The following LCORL variants were observed in gnomAD, a reference collection of about 807,000 sequenced individuals.
LCORL encodes ligand-dependent nuclear receptor corepressor-like protein.
LCORL carries 41 observed loss-of-function variants against 141.8 expected under a neutral mutation model. The observed-to-expected ratio is 0.29, with a 90% CI of 0.23 to 0.38. The LOEUF (loss-of-function observed/expected upper bound fraction) is 0.38, where lower values mean the gene tolerates loss of function less well. Among genes scored for constraint, LCORL ranks in the 10% least tolerant of loss-of-function variants. The probability of loss-of-function intolerance (pLI) is 1.00; values close to 1 mark genes in which losing one functional copy is unlikely to be tolerated. For synonymous variants in LCORL, 618 were observed against 694.1 expected, an observed-to-expected ratio of 0.89 and a Z score of 1.72; for missense variants, 1,759 against 2,035.0, an observed-to-expected ratio of 0.86 and a Z score of 2.61.
chr4:17,936,278 C>T (rs561355059), intron 4 of LCORL, among the ~76,000 whole-genome samples: 74 of 150,818 alleles, frequency 4.9e-4, no homozygotes, highest in African/African-American at 1.8e-3. Context: ...AAAAATAGCT[C>T]CTAAACTTTT....
At position 17,955,559 on chromosome 4, in the gene LCORL, T is replaced by C. The variant is rs151168915; in HGVS notation, c.430+6344A>G. Among the ~76,000 whole-genome samples the C allele has an allele frequency of 3.3e-3, 509 of 152,212 alleles. 7 individuals carry two copies. The highest frequency in any genetic ancestry group is 0.012 in the African/African-American group (480 of 41,540). On this transcript the variant is annotated intron_variant, in intron 4 of 7. Coordinates refer to ENST00000635767, the Ensembl canonical transcript of LCORL. ...AGAATAAGTAGAGTATATAGTATAA[T>C]AGAAGGTGATTGTTCTATAAAAAGG...
At chr4:17,848,271 T>C (rs1723174803) in intron 7 of LCORL, among the ~76,000 whole-genome samples, 1 of 152,250 alleles carries the variant, frequency 6.6e-6, no homozygotes, top group Non-Finnish European at 1.5e-5. Context: ...AGTACTGCTC[T>C]ACAGAATTCT....
At chr4:17,864,678 T>C (rs1290908832) in intron 7 of LCORL, among the ~76,000 whole-genome samples, 1 of 152,216 alleles carries the variant, frequency 6.6e-6, no homozygotes, top group Non-Finnish European at 1.5e-5. Context: ...ATGTAAGTGG[T>C]CTACTGAAAA....
At chr4:17,949,595 G>A (rs567151226) in intron 4 of LCORL, among the ~76,000 whole-genome samples, 75 of 152,154 alleles carry the variant, frequency 4.9e-4, no homozygotes, top group African/African-American at 1.8e-3. Context: ...TTTTACTGAG[G>A]GAATTCTGCT....
At chr4:17,851,170 C>T (rs1723645760) in intron 7 of LCORL, among the ~76,000 whole-genome samples, 1 of 149,622 alleles carries the variant, frequency 6.7e-6, no homozygotes, top group Non-Finnish European at 1.5e-5. Context: ...GGAGATATAC[C>T]TAATGCTAAA....
intron 3 of LCORL, among the ~76,000 whole-genome samples, chr4:17,962,514 C>T (rs1425882678): frequency 2.0e-5 from 3 of 152,024 alleles, no homozygotes; most frequent in Non-Finnish European, 4.4e-5. Flanking sequence ...TAGACACTTA[C>T]ATATTTCATC....
intron 5 of LCORL, among the ~76,000 whole-genome samples, chr4:17,901,942 G>C (rs897869845): frequency 5.3e-5 from 8 of 152,052 alleles, no homozygotes; most frequent in African/African-American, 1.7e-4. Flanking sequence ...GTGTGTGTCT[G>C]TGTACATCCA....
At position 17,939,645 on chromosome 4, in the gene LCORL, A is replaced by C. The variant is rs771325944; in HGVS notation, c.430+22258T>G. Among the ~76,000 whole-genome samples the C allele has an allele frequency of 8.9e-4, 136 of 152,142 alleles. 4 individuals carry two copies. Among genetic ancestry groups the C allele is most frequent in the Non-Finnish European group, 2.4e-4 (16 of 67,982 alleles). On this transcript the variant is annotated intron_variant, in intron 4 of 7. Transcript: ENST00000635767. The stretch of plus-strand genomic sequence containing the variant: ...AACTCTGGGTGAGTAGGAAAGTGTC[A>C]ATGGCACTAATTAAAGGAGAACACA...
chr4:17,987,759 T>C (rs1271588030), intron 1 of LCORL, among the ~76,000 whole-genome samples: 2 of 152,238 alleles, frequency 1.3e-5, no homozygotes, highest in Non-Finnish European at 2.9e-5. Context: ...TTTTTTCATG[T>C]GTTCATTGGC....
At chr4:17,932,617 C>T (rs1401182655) in intron 4 of LCORL, among the ~76,000 whole-genome samples, 1 of 152,144 alleles carries the variant, frequency 6.6e-6, no homozygotes, top group Non-Finnish European at 1.5e-5. Context: ...TTATTCATTG[C>T]AAGAAATGTG....
At chr4:18,018,569 G>C (rs62410188) in intron 1 of LCORL, among the ~76,000 whole-genome samples, 7 of 152,054 alleles carry the variant, frequency 4.6e-5, no homozygotes, top group African/African-American at 1.7e-4. Context: ...AGAGTTAAAC[G>C]TTTACCTTTG....
intron 7 of LCORL, among the ~76,000 whole-genome samples, chr4:17,851,134 G>C (rs569493350): frequency 0.023 from 2,583 of 113,600 alleles, 100 homozygotes; most frequent in African/African-American, 0.081. Context: ...GTTGTGGGGT[G>C]GGGGGAGGGG....
At chr4:17,971,195 T>A (rs1404435974) in intron 2 of LCORL, among the ~76,000 whole-genome samples, 3 of 152,086 alleles carry the variant, frequency 2.0e-5, no homozygotes, top group Admixed American at 6.6e-5. Context: ...CTATCCATAA[T>A]CCATATTTCA....
exon 8 of LCORL, chr4:17,844,701 G>A (rs561393309): frequency 6.6e-6 from 1 of 152,414 alleles, no homozygotes; most frequent in South Asian, 2.1e-4. Context: ...GGACTGAAAA[G>A]GTACATTAAG....
At chr4:17,973,939 C>T (rs1354058933) in intron 1 of LCORL, among the ~76,000 whole-genome samples, 1 of 151,920 alleles carries the variant, frequency 6.6e-6, no homozygotes, top group Admixed American at 6.6e-5. Context: ...AGTAAGGTAG[C>T]TATCATGATA....
chr4:18,017,836 T>A (rs949248411), intron 1 of LCORL, among the ~76,000 whole-genome samples: 1 of 152,152 alleles, frequency 6.6e-6, no homozygotes, highest in African/African-American at 2.4e-5. Context: ...GCATTAAATC[T>A]TCTGGTTTTA....
chr4:17,989,345 T>C (rs1253481849), intron 1 of LCORL, among the ~76,000 whole-genome samples: 1 of 152,248 alleles, frequency 6.6e-6, no homozygotes, highest in Non-Finnish European at 1.5e-5. Flanking sequence ...AGAATAAAGA[T>C]TTCCTTCTAT....
chr4:17,922,822 T>C (rs1734507440), intron 4 of LCORL, among the ~76,000 whole-genome samples: 1 of 152,208 alleles, frequency 6.6e-6, no homozygotes, highest in Non-Finnish European at 1.5e-5. Flanking sequence ...TAAATTCTGA[T>C]GAGCTTTTAG....
chr4:17,857,165 C>A (rs1447578073), intron 7 of LCORL, among the ~76,000 whole-genome samples: 1 of 151,942 alleles, frequency 6.6e-6, no homozygotes, highest in Non-Finnish European at 1.5e-5. Flanking sequence ...AGAACCCCAA[C>A]AGAGCTTGGA....
Sources: gnomAD v4.1 joint callset for allele counts (sites outside exome capture counted in the v4.1 genomes callset) on GRCh38, gnomAD v4.1.1 for gene constraint, MANE v1.5 for transcripts, NCBI Gene and HGNC (gene_info 2026-07-23, HGNC 2026-07-21) for gene names.